SAXO2: variants seen among roughly 807,000 people sequenced by gnomAD.
SAXO2 encodes stabilizer of axonemal microtubules 2.
A neutral mutation model predicts 18.7 loss-of-function variants in SAXO2; 17 were observed. The observed-to-expected ratio is 0.91, with a 90% CI of 0.62 to 1.36. The LOEUF is 1.36. SAXO2 is among the 40% of genes most tolerant of loss of function. The pLI, the probability that SAXO2 is intolerant of heterozygous loss-of-function variation, is 0.00. For missense variants in SAXO2, 486 were observed against 562.6 expected (o/e 0.86, Z 1.38); for synonymous variants, 163 against 181.2 (o/e 0.90, Z 0.81).
At chr15:82,272,703 A>C (rs1449479655) in intron 3 of SAXO2, among the ~76,000 whole-genome samples, 4 of 151,848 alleles carry the variant, frequency 2.6e-5, no homozygotes, top group African/African-American at 9.7e-5. Context: ...CACCACGCCC[A>C]GCTAATTTTT....
chr15:82,269,617 A>T (rs1247725427), intron 2 of SAXO2, among the ~76,000 whole-genome samples: 3 of 152,088 alleles, frequency 2.0e-5, no homozygotes, highest in African/African-American at 7.2e-5. Context: ...GGAGGAAGAA[A>T]GGTAAGGAAG....
In SAXO2 at chr15:82,271,592, A is replaced by C. The variant is rs781498404; in HGVS notation, c.234-11A>C. On this transcript the variant is annotated splice_polypyrimidine_tract_variant and intron_variant, in intron 2 of 3. Coordinates refer to ENST00000682753, the MANE Select transcript of SAXO2 (RefSeq NM_001348699.2). Reference sequence around the variant, plus strand: ...ACTTGTGAGGCTATGTTTCAAATTTATATATTTCAGGTCGGATTATTGTCC... The same window carrying C: ...ACTTGTGAGGCTATGTTTCAAATTTCTATATTTCAGGTCGGATTATTGTCC... 1 of 1,588,958 alleles carries C rather than the reference A, an allele frequency of 6.3e-7. No homozygotes were observed. The highest frequency in any genetic ancestry group is 1.2e-5 in the South Asian group (1 of 86,028).
intron 3 of SAXO2, among the ~76,000 whole-genome samples, chr15:82,276,696 G>A (rs1322346132): frequency 6.6e-6 from 1 of 152,044 alleles, no homozygotes; most frequent in Non-Finnish European, 1.5e-5. Flanking sequence ...GTGCAAGAAG[G>A]ATCTAGAATT....
intron 1 of SAXO2, 65 bp downstream of exon 1, chr15:82,262,997 G>A (rs1321226181): frequency 6.4e-7 from 1 of 1,560,002 alleles, no homozygotes; most frequent in African/African-American, 1.4e-5. Context: ...TAGGTGCACG[G>A]AGCCGGCTCC....
intron 3 of SAXO2, among the ~76,000 whole-genome samples, chr15:82,280,933 G>A (rs2075357480): frequency 6.6e-6 from 1 of 152,178 alleles, no homozygotes; most frequent in African/African-American, 2.4e-5. Context: ...CCAGACATCA[G>A]TAACTTAATC....
intron 2 of SAXO2, among the ~76,000 whole-genome samples, chr15:82,266,720 G>A (rs748823598): frequency 6.6e-5 from 10 of 152,110 alleles, no homozygotes; most frequent in Non-Finnish European, 1.2e-4. Flanking sequence ...TTCAGATTAG[G>A]TAAAATTCTT....
intron 2 of SAXO2, among the ~76,000 whole-genome samples, chr15:82,270,426 A>C (rs890878921): frequency 1.3e-5 from 2 of 152,236 alleles, no homozygotes; most frequent in African/African-American, 4.8e-5. Flanking sequence ...GAATTTAATC[A>C]CATGGAAGAC....
chr15:82,268,130 A>C (rs1391025707), intron 2 of SAXO2, among the ~76,000 whole-genome samples: 1 of 152,256 alleles, frequency 6.6e-6, no homozygotes, highest in African/African-American at 2.4e-5. Context: ...GAGATTGATT[A>C]AATGGGAATG....
chr15:82,273,036 G>T (rs1171956243), intron 3 of SAXO2, among the ~76,000 whole-genome samples: 1 of 151,068 alleles, frequency 6.6e-6, no homozygotes, highest in East Asian at 2.0e-4. Context: ...CTCCTGAGTA[G>T]CTGGGATTAC....
chr15:82,274,869 G>T (rs560695208), intron 3 of SAXO2, among the ~76,000 whole-genome samples: 5 of 151,856 alleles, frequency 3.3e-5, no homozygotes, highest in African/African-American at 7.2e-5. Context: ...GCAACCAAAA[G>T]TACTAGCAAA....
intron 3 of SAXO2, among the ~76,000 whole-genome samples, chr15:82,274,083 A>T (rs772325427): frequency 5.3e-5 from 8 of 152,028 alleles, no homozygotes; most frequent in Non-Finnish European, 1.0e-4. Context: ...AAGATCCATA[A>T]GAAAAATACC....
Position 82,262,837 on chromosome 15 carries a change from G to T in SAXO2, c.-43G>T, listed in dbSNP as rs776621769. On this transcript the variant is annotated 5_prime_UTR_variant, in exon 1 of 4. Coordinates refer to ENST00000682753, the MANE Select transcript of SAXO2 (RefSeq NM_001348699.2). ...TGCCTTGACTACGGCGGGCGCTGTGGGAGTGGAGAAGCTGCAAGTGCTGAG... is the reference window on the plus strand; with the variant it reads ...TGCCTTGACTACGGCGGGCGCTGTGTGAGTGGAGAAGCTGCAAGTGCTGAG... 2.6e-6 allele frequency: 4 copies of T among 1,555,112 alleles called. No homozygotes were observed. The highest frequency in any genetic ancestry group is 1.7e-4 in the Middle Eastern group (1 of 6,000).
intron 1 of SAXO2, among the ~76,000 whole-genome samples, chr15:82,264,370 T>C (rs1190031534): frequency 1.6e-5 from 2 of 124,740 alleles, no homozygotes; most frequent in African/African-American, 5.9e-5. Context: ...CTGCATTGAT[T>C]TTTTTTTTTT....
chr15:82,281,710 T>A (rs925016587), intron 3 of SAXO2, among the ~76,000 whole-genome samples: 4 of 151,786 alleles, frequency 2.6e-5, no homozygotes, highest in Non-Finnish European at 5.9e-5. Flanking sequence ...AAGCCCTGGC[T>A]TTTAGACGTA....
At position 82,283,285 on chromosome 15, in the gene SAXO2, A is replaced by C; in HGVS notation, c.*223A>C. ...AATGTGCATTTCAGAAGGTTGAATA[A>C]TATGCATTCCCATGAGAACTATTTT... On this transcript the variant is annotated 3_prime_UTR_variant, in exon 4 of 4. Transcript: ENST00000682753. The C allele has an allele frequency of 6.2e-6, 2 of 321,148 alleles. No homozygotes were observed. Among genetic ancestry groups the C allele is most frequent in the Non-Finnish European group, 1.1e-5 (2 of 181,504 alleles). The allele number at this position is 321,148 out of a possible 1,614,324, so 19.9% of individuals were successfully genotyped here. A position where few individuals can be genotyped will look rare whatever the true frequency, so the allele number is the denominator to read the frequency against.
intron 2 of SAXO2, among the ~76,000 whole-genome samples, chr15:82,267,152 A>G (rs760977613): frequency 6.6e-6 from 1 of 152,338 alleles, no homozygotes; most frequent in South Asian, 2.1e-4. Flanking sequence ...CCAGTGACAC[A>G]GCCTCAGGAG....
Position 82,264,034 on chromosome 15 carries a change from A to G in SAXO2, c.53+1102A>G, listed in dbSNP as rs2075175683. On this transcript the variant is annotated intron_variant, in intron 1 of 3. Coordinates refer to ENST00000682753, the MANE Select transcript of SAXO2 (RefSeq NM_001348699.2). ...ATAATTCTATCTTCCACAGATAACA[A>G]ATGTTCTTTAAGACTTGTTTTACAT... is the stretch of plus-strand genomic sequence containing the variant. 3.3e-5 allele frequency among the ~76,000 whole-genome samples: 5 copies of G among 152,040 alleles called. No individual in the cohort carries two copies. The South Asian group carries it at 1.0e-3, about 32-fold the overall frequency.
At chr15:82,263,237 T>G in intron 1 of SAXO2, 1 of 1,474,578 alleles carries the variant, frequency 6.8e-7, no homozygotes, top group Non-Finnish European at 9.0e-7. Context: ...TGGTGAGTAG[T>G]GGGATGTGAT....
At chr15:82,280,410 A>C (rs551076047) in intron 3 of SAXO2, among the ~76,000 whole-genome samples, 1 of 152,000 alleles carries the variant, frequency 6.6e-6, no homozygotes, top group South Asian at 2.1e-4. Context: ...AATAACATCT[A>C]TGATTCCTTT....
Sources: gnomAD v4.1 joint callset for allele counts (sites outside exome capture counted in the v4.1 genomes callset) on GRCh38, gnomAD v4.1.1 for gene constraint, MANE v1.5 for transcripts, NCBI Gene and HGNC (gene_info 2026-07-23, HGNC 2026-07-21) for gene names.